Variants in SLF2 observed in about 807,000 individuals in gnomAD.
SLF2 encodes SMC5/6 complex localization factor 2, also known as SMC5-SMC6 complex localization factor protein 2.
In SLF2, 68 loss-of-function variants were observed where a neutral mutation model predicts 124.3. The ratio of observed to expected loss-of-function variants is 0.55; its 90% CI spans 0.45 to 0.67. The LOEUF (loss-of-function observed/expected upper bound fraction) is 0.67. SLF2 is among the 30% of genes least tolerant of loss of function. The pLI, the probability that SLF2 is intolerant of heterozygous loss-of-function variation, is 0.00. For missense variants in SLF2, 1,246 were observed against 1,373.7 expected (o/e 0.91, Z 1.47); for synonymous variants, 480 against 478.8 (o/e 1.00, Z -0.03).
In SLF2 at chr10:100,950,081, A is replaced by C. The variant is rs778116186; in HGVS notation, c.3126A>C (p.Ser1042=). The change falls in exon 16 of 20, where the codon TCA becomes TCC. Residue 1042 remains serine (S), a synonymous_variant. Coordinates refer to ENST00000238961, the MANE Select transcript of SLF2 (RefSeq NM_018121.4). ...TCTCCTCTTTCTTTTGATAGGTATC[A>C]GTCCTACATCGCTATCTTGTGCAGA... ...DVPNASNLQV[S]VLHRYLVQMK... 1.3e-6 allele frequency: 2 copies of C among 1,587,358 alleles called. No homozygotes were observed. The highest frequency in any genetic ancestry group is 1.8e-5 in the Admixed American group (1 of 56,160).
rs1353894839 is a variant in SLF2, at chr10:100,929,928, A to G, written c.2264A>G (p.Asn755Ser). ...FNFLNSGKIF[N>S]QYTLDLRDSG... ...TTCCTCAATTCTGGAAAAATTTTCA[A>G]TCAGTATACCTTGGATTTAAGAGAC... Residue 755 changes from asparagine (N) to serine (S), a missense_variant, in exon 8 of 20, where the codon AAT becomes AGT. Transcript: ENST00000238961. 1.1e-5 allele frequency: 18 copies of G among 1,602,124 alleles called. No homozygotes were observed. The highest frequency in any genetic ancestry group is 1.5e-5 in the Non-Finnish European group (18 of 1,175,468).
At chr10:100,945,309 C>A in intron 12 of SLF2, 21 bp from the exon 13 acceptor site, 1 of 1,523,860 alleles carries the variant, frequency 6.6e-7, no homozygotes, top group South Asian at 1.3e-5. Context: ...ATATTTTTGT[C>A]TGTGCATTTA....
intron 18 of SLF2, 21 bp downstream of exon 18, chr10:100,956,558 TTTC>T (rs1181254246): frequency 2.0e-6 from 3 of 1,537,282 alleles, no homozygotes; most frequent in Admixed American, 2.0e-5. Flanking sequence ...TCTTTCTTTT[TTTC>T]TTTTTTTTTT....
chr10:100,941,220 C>T (rs533874596), intron 11 of SLF2, among the ~76,000 whole-genome samples: 48 of 152,204 alleles, frequency 3.2e-4, no homozygotes, highest in African/African-American at 1.1e-3. Flanking sequence ...ATGGCAAGTT[C>T]TCTATACAAA....
intron 9 of SLF2, among the ~76,000 whole-genome samples, chr10:100,935,912 G>A (rs183311614): frequency 7.2e-6 from 1 of 138,260 alleles, no homozygotes; most frequent in East Asian, 2.2e-4. Flanking sequence ...AGGCTGGAGT[G>A]CAGTGGTGCG....
intron 17 of SLF2, among the ~76,000 whole-genome samples, chr10:100,950,985 A>G (rs1850201615): frequency 6.6e-6 from 1 of 152,236 alleles, no homozygotes; most frequent in Non-Finnish European, 1.5e-5. Context: ...TCACGCCTGT[A>G]ATCCCAACAC....
chr10:100,957,277 C>G (rs2133831866), intron 18 of SLF2, among the ~76,000 whole-genome samples: 1 of 144,096 alleles, frequency 6.9e-6, no homozygotes, highest in East Asian at 2.1e-4. Flanking sequence ...AATAGATTAG[C>G]TGTTATTCTT....
Position 100,917,013 on chromosome 10 carries a change from A to T in SLF2, c.628A>T (p.Asn210Tyr). The T allele has an allele frequency of 1.2e-6, 2 of 1,614,236 alleles. No individual in the cohort carries two copies. Among genetic ancestry groups the T allele is most frequent in the South Asian group, 2.2e-5 (2 of 91,090 alleles). Residue 210 changes from asparagine to tyrosine, a missense_variant, in exon 3 of 20, where the codon AAT becomes TAT. Asn to Tyr is a moderately radical substitution (Grantham distance 143, BLOSUM62 -2). Around this residue, in one of 3 missense-constraint regions of SLF2, gnomAD observed 698 missense variants for 708.9 expected, o/e 0.98. Coordinates refer to ENST00000238961, the MANE Select transcript of SLF2 (RefSeq NM_018121.4). ...CACAGTGGCAGAAGCTGACATCTTC[A>T]ATAACAGCTCCAGAAGCCTTAGCAG... Reference protein sequence around the residue: ...QTTVAEADIFNNSSRSLSSRS... With the variant: ...QTTVAEADIFYNSSRSLSSRS...
At chr10:100,923,350 A>G (rs551423917) in intron 4 of SLF2, among the ~76,000 whole-genome samples, 37 of 152,180 alleles carry the variant, frequency 2.4e-4, no homozygotes, top group South Asian at 4.2e-4. Context: ...TTTGCCTGCA[A>G]TCTTTGGCAT....
rs772878087 is a variant in SLF2 at position 100,937,453 on chromosome 10, T to C, written c.2488T>C (p.Leu830=). 4 of 1,602,698 alleles carry C rather than the reference T, an allele frequency of 2.5e-6. No homozygotes were observed. Among genetic ancestry groups the C allele is most frequent in the African/African-American group, 1.3e-5 (1 of 74,756 alleles). Residue 830 remains leucine, a synonymous_variant, in exon 10 of 20, where the codon TTG becomes CTG. Coordinates refer to ENST00000238961, the MANE Select transcript of SLF2 (RefSeq NM_018121.4). ...TGTGTCAGTGCAGATTTTAAGTACA[T>C]TGATGGAAATAACAATTAGAAATGG... ...CIVSVQILST[L]MEITIRNDTF... is the part of the protein sequence containing the mutation.
Position 100,946,191 on chromosome 10 carries a change from T to A in SLF2, c.2934+685T>A, listed in dbSNP as rs149973146. On this transcript the variant is annotated intron_variant, in intron 13 of 19. Coordinates refer to ENST00000238961, the MANE Select transcript of SLF2 (RefSeq NM_018121.4). ...CCTAAGTATCACTTTGCTTCAATAA[T>A]TGAGACATAATCTTGCCTAATGTAA... Among the ~76,000 whole-genome samples, 75 of 152,286 alleles carry A rather than the reference T, an allele frequency of 4.9e-4. 1 individual carries two copies. The East Asian group carries it at 0.013, about 25-fold the overall frequency.
At chr10:100,930,184 A>G (rs569995230) in intron 8 of SLF2, among the ~76,000 whole-genome samples, 187 bp downstream of exon 8, 23 of 152,296 alleles carry the variant, frequency 1.5e-4, no homozygotes, top group African/African-American at 5.5e-4. Flanking sequence ...TAGTTGTTTG[A>G]CACATCTCAT....
At position 100,963,154 on chromosome 10, in the gene SLF2, G is replaced by T. The variant is rs1026045611; in HGVS notation, c.*1242G>T. The T allele has an allele frequency of 3.9e-5, 6 of 152,646 alleles. No individual in the cohort carries two copies. Among genetic ancestry groups the T allele is most frequent in the Non-Finnish European group, 8.8e-5 (6 of 68,018 alleles). The allele number at this position is 152,646 out of a possible 1,614,324, so 9.5% of individuals were successfully genotyped here. Reference sequence around the variant, plus strand: ...TCTCCTGAGTGCTCTAGTGTCTCCAGTTGTGGGGGGGAAAGATGATGGAGG... The same window carrying T: ...TCTCCTGAGTGCTCTAGTGTCTCCATTTGTGGGGGGGAAAGATGATGGAGG... On this transcript the variant is annotated 3_prime_UTR_variant, in exon 20 of 20. Coordinates refer to ENST00000238961, the MANE Select transcript of SLF2 (RefSeq NM_018121.4).
chr10:100,956,553 C>CTT lies in SLF2; in HGVS notation c.3417+22_3417+23dup. 3.3e-6 allele frequency: 5 copies of CTT among 1,512,546 alleles called. No individual in the cohort carries two copies. Among genetic ancestry groups the CTT allele is most frequent in the Admixed American group, 2.1e-5 (1 of 48,410 alleles). 93.7% of individuals were successfully genotyped at this position (1,512,546 alleles called of 1,614,324 possible). A position where few individuals can be genotyped will look rare whatever the true frequency, so the allele number is the denominator to read the frequency against. On this transcript the variant is annotated intron_variant, in intron 18 of 19. Coordinates refer to ENST00000238961, the MANE Select transcript of SLF2 (RefSeq NM_018121.4). ...CAGAACTAAGGTAAGTGTGTTCTTTCTTTTTTTCTTTTTTTTTTTCTTAAT... is the reference window on the plus strand; with the variant it reads ...CAGAACTAAGGTAAGTGTGTTCTTTCTTTTTTTTTCTTTTTTTTTTTCTTAAT...
At chr10:100,943,522 A>T (rs947813191) in intron 11 of SLF2, 1 of 152,246 alleles carries the variant, frequency 6.6e-6, no homozygotes, top group Non-Finnish European at 1.5e-5. Flanking sequence ...AAGTTCATGC[A>T]TCTCCTTTTT....
rs1239119354 is a variant in SLF2, at chr10:100,924,106, C to T, written c.1105C>T (p.His369Tyr). 7 of 1,613,462 alleles carry T rather than the reference C, an allele frequency of 4.3e-6. No homozygotes were observed. Among genetic ancestry groups the T allele is most frequent in the Non-Finnish European group, 5.9e-6 (7 of 1,179,878 alleles). The change falls in exon 5 of 20, where the codon CAT (histidine) becomes TAT (tyrosine). Residue 369 changes from histidine to tyrosine, a missense_variant. Coordinates refer to ENST00000238961, the MANE Select transcript of SLF2 (RefSeq NM_018121.4). ...SFLEKRPDGP[H>Y]QKEKFIKHIA... The stretch of plus-strand genomic sequence containing the variant: ...CCTTGAGAAGCGTCCTGATGGACCA[C>T]ATCAGAAAGAAAAATTTATAAAACA...
chr10:100,938,504 A>AT, intron 10 of SLF2, 91 bp from the exon 11 acceptor site: 1 of 1,255,324 alleles, frequency 8.0e-7, no homozygotes, highest in Admixed American at 2.4e-5. Context: ...AACCATTGTA[A>AT]TTATTCATGT....
rs199775720 is a variant in SLF2, at chr10:100,916,695, G to T, written c.310G>T (p.Val104Leu). ...ACCAAAAGAATCTAAACCCAAAAGG[G>T]TGCCACCAGAAAAGAGCCCTATTAT... ...SSPKESKPKR[V>L]PPEKSPIIEA... Residue 104 changes from valine (V) to leucine (L), a missense_variant, in exon 3 of 20, where the codon GTG (valine) becomes TTG (leucine). Physicochemically the swap from Val to Leu is conservative, Grantham distance 32 (BLOSUM62 1). This residue lies in a region of SLF2 where 698 missense variants were observed against 708.9 expected (regional missense o/e 0.98). Transcript: ENST00000238961. 65 of 1,547,348 alleles carry T rather than the reference G, an allele frequency of 4.2e-5. No homozygotes were observed. In the African/African-American group the frequency reaches 7.5e-4, roughly 18 times the overall value.
chr10:100,929,093 C>T (rs957872281), intron 6 of SLF2, among the ~76,000 whole-genome samples: 1 of 152,136 alleles, frequency 6.6e-6, no homozygotes, highest in African/African-American at 2.4e-5. Context: ...TAATGCCACA[C>T]TGGTAACTGG....
Sources: gnomAD v4.1 joint callset for allele counts (sites outside exome capture counted in the v4.1 genomes callset) on GRCh38, gnomAD v4.1.1 for gene constraint, gnomAD v4.1.1 regional missense constraint, MANE v1.5 for transcripts, NCBI Gene and HGNC (gene_info 2026-07-23, HGNC 2026-07-21) for gene names.